Variants in CACNA1C observed in about 807,000 individuals in gnomAD.
CACNA1C encodes the protein voltage-dependent L-type calcium channel subunit alpha-1C.
CACNA1C carries 30 observed loss-of-function variants against 229.0 expected under a neutral mutation model. The observed-to-expected ratio is 0.13, with a 90% CI of 0.10 to 0.18. The LOEUF (loss-of-function observed/expected upper bound fraction) is 0.18, where lower values mean the gene tolerates loss of function less well. Ranked by LOEUF, CACNA1C falls within the 10% of genes least tolerant of loss-of-function variation. CACNA1C has a pLI of 1.00. For synonymous variants in CACNA1C, 1,114 were observed against 1,132.5 expected (o/e 0.98, Z 0.33); for missense variants, 1,658 against 2,845.0 (o/e 0.58, Z 9.49).
chr12:2,677,221 G>A lies in CACNA1C; in HGVS notation c.4956G>A (p.Gln1652=), dbSNP rs1460929288. 6.2e-7 allele frequency: 1 copy of A among 1,613,500 alleles called. No homozygotes were observed. Among genetic ancestry groups the A allele is most frequent in the East Asian group, 2.2e-5 (1 of 44,878 alleles). The change falls in exon 40 of 47, where the codon CAG becomes CAA. Residue 1652 remains glutamine, a splice_region_variant and synonymous_variant. Transcript: ENST00000399655. The surrounding 1 kb of genome is among the most constrained non-coding windows in gnomAD (Gnocchi z 7.4). Reference sequence around the variant, plus strand: ...CCCAGAGGAACGCGCTGTCTCTGCAGGTGAGGGCCTGGGGGCGGGCCCACA... The same window carrying A: ...CCCAGAGGAACGCGCTGTCTCTGCAAGTGAGGGCCTGGGGGCGGGCCCACA... ...KPSQRNALSL[Q]AGLRTLHDIG...
chr12:1,982,744 T>C (rs758483607), intron 1 of CACNA1C, among the ~76,000 whole-genome samples: 5 of 152,146 alleles, frequency 3.3e-5, no homozygotes, highest in Non-Finnish European at 5.9e-5. Context: ...GATCAATAAT[T>C]TTCTTTTCTT....
chr12:2,156,578 C>A (rs1020408990), intron 3 of CACNA1C, among the ~76,000 whole-genome samples: 1 of 152,236 alleles, frequency 6.6e-6, no homozygotes, highest in South Asian at 2.1e-4. Context: ...CAACCAGTTG[C>A]TTACAGGGCT....
rs141344845 is a variant in CACNA1C, at chr12:2,206,585, A to G, written c.477+86155A>G. Among the ~76,000 whole-genome samples, 4 of 152,286 alleles carry G rather than the reference A, an allele frequency of 2.6e-5. No homozygotes were observed. In the East Asian group the frequency reaches 7.7e-4, roughly 29 times the overall value. ...GAATATTCAATGAGATGATGTGTGT[A>G]CCCACCTCCCTACCTACTCACTGTC... On this transcript the variant is annotated intron_variant, in intron 3 of 46. Transcript: ENST00000399655.
chr12:1,991,305 A>C (rs1283973835), intron 1 of CACNA1C: 2 of 440,678 alleles, frequency 4.5e-6, no homozygotes, highest in Non-Finnish European at 9.0e-6. Context: ...AACATGGTAA[A>C]ATAAATGAAA....
chr12:1,972,496 A>G (rs185363011), intron 1 of CACNA1C, among the ~76,000 whole-genome samples: 18 of 152,306 alleles, frequency 1.2e-4, no homozygotes, highest in Admixed American at 5.9e-4. Context: ...AAAAAAACAG[A>G]AAAATAGAAC....
At chr12:2,476,413 C>G (rs1361803817) in intron 5 of CACNA1C, among the ~76,000 whole-genome samples, 1 of 152,192 alleles carries the variant, frequency 6.6e-6, no homozygotes, top group Non-Finnish European at 1.5e-5. Flanking sequence ...TCTGTCTTAC[C>G]TAAGCCTCAT....
chr12:2,281,408 A>G (rs1200051619), intron 3 of CACNA1C, among the ~76,000 whole-genome samples: 2 of 152,094 alleles, frequency 1.3e-5, no homozygotes, highest in Non-Finnish European at 1.5e-5. Flanking sequence ...CTTCTATCTC[A>G]TATTATTTTC....
intron 3 of CACNA1C, among the ~76,000 whole-genome samples, chr12:2,377,074 C>T (rs2098093829): frequency 2.0e-5 from 3 of 152,160 alleles, no homozygotes; most frequent in Admixed American, 2.0e-4. Context: ...AGGGGAGGGG[C>T]AGCTCCCCAG....
chr12:2,688,907 C>G (rs1388357120), intron 46 of CACNA1C, 128 bp downstream of exon 46: 2 of 787,642 alleles, frequency 2.5e-6, no homozygotes, highest in Non-Finnish European at 2.0e-6. Context: ...CCCGAAAGAC[C>G]CTCCCTCTCA....
At chr12:2,318,808 G>C (rs941875717) in intron 3 of CACNA1C, among the ~76,000 whole-genome samples, 1 of 151,986 alleles carries the variant, frequency 6.6e-6, no homozygotes, top group Non-Finnish European at 1.5e-5. Flanking sequence ...GACAGAAGGT[G>C]GGGGACAGGG....
In CACNA1C at chr12:2,285,554, ACCT is replaced by A. The variant is rs1436852763; in HGVS notation, c.478-163417_478-163415del. On this transcript the variant is annotated intron_variant, in intron 3 of 46. Coordinates refer to ENST00000399655, the MANE Select transcript of CACNA1C (RefSeq NM_000719.7). This position sits in a 1 kb window ranked among gnomAD's most constrained non-coding sequence, Gnocchi z 4.2. ...CTCTGTTCTTAAACTCTCCTTAAAC[ACCT>A]CCTCATCCCAGACGGGTTGACTTTC... is the stretch of plus-strand genomic sequence containing the variant. Among the ~76,000 whole-genome samples, 1 of 151,380 alleles carries A rather than the reference ACCT, an allele frequency of 6.6e-6. No individual in the cohort carries two copies. The highest frequency in any genetic ancestry group is 1.5e-5 in the Non-Finnish European group (1 of 67,900).
chr12:2,441,408 T>C (rs1230693493), intron 3 of CACNA1C, among the ~76,000 whole-genome samples: 1 of 152,190 alleles, frequency 6.6e-6, no homozygotes, highest in Non-Finnish European at 1.5e-5. Context: ...GGAGTCTGTG[T>C]TCCTCTAAAG....
chr12:2,383,954 T>C (rs1435656465), intron 3 of CACNA1C, among the ~76,000 whole-genome samples: 1 of 152,234 alleles, frequency 6.6e-6, no homozygotes, highest in Non-Finnish European at 1.5e-5. Context: ...CCAAAGGTGC[T>C]AATGAGCAGG....
chr12:2,279,201 C>G (rs1037869466), intron 3 of CACNA1C, among the ~76,000 whole-genome samples: 2 of 152,080 alleles, frequency 1.3e-5, no homozygotes, highest in African/African-American at 4.8e-5. Context: ...TCTTTTCTCT[C>G]TCATCTTTGT....
At chr12:2,381,431 G>A (rs1311052473) in intron 3 of CACNA1C, among the ~76,000 whole-genome samples, 1 of 152,248 alleles carries the variant, frequency 6.6e-6, no homozygotes, top group African/African-American at 2.4e-5. Flanking sequence ...TGTAGAGACA[G>A]ATGATGGATA....
rs116469349 is a variant in CACNA1C, at chr12:2,291,106, G to A, written c.478-157870G>A. 9.7e-3 allele frequency among the ~76,000 whole-genome samples: 1,478 copies of A among 152,300 alleles called. 17 individuals carry two copies. Among genetic ancestry groups the A allele is most frequent in the African/African-American group, 0.033 (1,391 of 41,556 alleles). ...AATATGAGGTGATGGTGAATATGTC[G>A]TAGGGTTGTTGCCTGGATTGAAAGT... On this transcript the variant is annotated intron_variant, in intron 3 of 46. Transcript: ENST00000399655.
chr12:2,156,192 C>T (rs747118832), intron 3 of CACNA1C, among the ~76,000 whole-genome samples: 1 of 152,096 alleles, frequency 6.6e-6, no homozygotes, highest in African/African-American at 2.4e-5. Context: ...AAATGATGAT[C>T]GCAAAGTCAA....
In CACNA1C at chr12:2,398,118, A is replaced by T. The variant is rs1296884064; in HGVS notation, c.478-50858A>T. Among the ~76,000 whole-genome samples, 6 of 152,234 alleles carry T rather than the reference A, an allele frequency of 3.9e-5. No individual in the cohort carries two copies. In the East Asian group the frequency reaches 1.2e-3, roughly 29 times the overall value. ...TGGCTTTTTCCAAAAGGTAAGAAGG[A>T]GGACTTCTCATTTTTGTGCTTTAAA... On this transcript the variant is annotated intron_variant, in intron 3 of 46. Coordinates refer to ENST00000399655, the MANE Select transcript of CACNA1C (RefSeq NM_000719.7).
chr12:2,019,876 G>A (rs1286398736), intron 1 of CACNA1C: 1 of 152,176 alleles, frequency 6.6e-6, no homozygotes, highest in Non-Finnish European at 1.5e-5. Flanking sequence ...TAAACTTTCT[G>A]CAGGGAGGAA....
Sources: gnomAD v4.1 joint callset for allele counts (sites outside exome capture counted in the v4.1 genomes callset) on GRCh38, gnomAD v4.1.1 for gene constraint, Gnocchi (gnomAD v3.1) non-coding constraint, MANE v1.5 for transcripts, NCBI Gene and HGNC (gene_info 2026-07-23, HGNC 2026-07-21) for gene names.